ASTN1: variants seen among roughly 807,000 people sequenced by gnomAD.
ASTN1 encodes the protein astrotactin-1.
ASTN1 carries 41 observed loss-of-function variants against 140.7 expected under a neutral mutation model. The ratio of observed to expected loss-of-function variants is 0.29; its 90% CI spans 0.23 to 0.38. The LOEUF (loss-of-function observed/expected upper bound fraction) is 0.38, where lower values mean the gene tolerates loss of function less well. Among genes scored for constraint, ASTN1 ranks in the 10% least tolerant of loss-of-function variants. ASTN1 has a pLI of 1.00. For synonymous variants in ASTN1, 640 were observed against 652.2 expected, an observed-to-expected ratio of 0.98 and a Z score of 0.29; for missense variants, 1,479 against 1,678.8, an observed-to-expected ratio of 0.88 and a Z score of 2.08.
At chr1:177,058,563 T>C (rs971039620) in intron 2 of ASTN1, among the ~76,000 whole-genome samples, 2 of 152,222 alleles carry the variant, frequency 1.3e-5, no homozygotes, top group Non-Finnish European at 2.9e-5. Context: ...TGTCCACTAA[T>C]TCTTGCTCAG....
intron 5 of ASTN1, among the ~76,000 whole-genome samples, chr1:177,029,056 G>A (rs1676281344): frequency 6.6e-6 from 1 of 152,198 alleles, no homozygotes; most frequent in Admixed American, 6.5e-5. Context: ...GGACAGCTCT[G>A]TCCACGTGGA....
At position 176,876,519 on chromosome 1, in the gene ASTN1, A is replaced by T. The variant is rs1668569223; in HGVS notation, c.3463+18T>A. On this transcript the variant is annotated intron_variant, in intron 21 of 22. Coordinates refer to ENST00000361833, the MANE Select transcript of ASTN1 (RefSeq NM_004319.3). ...GGGGCATCCCTTCAGAAACACTGCT[A>T]ACTTCGATGTCTCTTACCTTGAGCC... is the stretch of plus-strand genomic sequence containing the variant. 6.2e-7 allele frequency: 1 copy of T among 1,613,322 alleles called. No homozygotes were observed. Among genetic ancestry groups the T allele is most frequent in the African/African-American group, 1.3e-5 (1 of 74,894 alleles).
rs941094402 is a variant in ASTN1 at position 176,919,110 on chromosome 1, T to C, written c.2671+15042A>G. 3.9e-5 allele frequency among the ~76,000 whole-genome samples: 6 copies of C among 152,328 alleles called. No individual in the cohort carries two copies. The South Asian group carries it at 8.3e-4, about 21-fold the overall frequency. On this transcript the variant is annotated intron_variant, in intron 16 of 22. Transcript: ENST00000361833. ...CCCATCCAACACTCATAATATTTTG[T>C]GGATTCTTTATTTTCTTTTTAATAT...
intron 1 of ASTN1, among the ~76,000 whole-genome samples, chr1:177,075,645 C>CTTTTTTTTTTTTTTTTTTT (rs5778927): frequency 9.0e-5 from 9 of 99,534 alleles, no homozygotes; most frequent in Admixed American, 2.4e-4. Flanking sequence ...CTTTTCTTTT[C>CTTTTTTTTTTTTTTTTTTT]TTTTTTTTTT....
At chr1:177,037,282 T>C (rs1676764614) in intron 2 of ASTN1, among the ~76,000 whole-genome samples, 1 of 152,286 alleles carries the variant, frequency 6.6e-6, no homozygotes, top group Non-Finnish European at 1.5e-5. Context: ...GCTGGAAGCA[T>C]CCTGATAGCC....
intron 5 of ASTN1, among the ~76,000 whole-genome samples, chr1:177,027,351 T>C (rs1003748803): frequency 6.6e-6 from 1 of 152,036 alleles, no homozygotes; most frequent in Non-Finnish European, 1.5e-5. Context: ...ACTGCTCTCA[T>C]GTGATTTCAA....
chr1:176,916,802 T>C (rs1670504394), intron 16 of ASTN1, among the ~76,000 whole-genome samples: 1 of 152,130 alleles, frequency 6.6e-6, no homozygotes, highest in Non-Finnish European at 1.5e-5. Flanking sequence ...TCAGAAGATG[T>C]CTTTTCCTGC....
At chr1:176,978,834 T>C (rs1033502214) in intron 8 of ASTN1, among the ~76,000 whole-genome samples, 1 of 152,190 alleles carries the variant, frequency 6.6e-6, no homozygotes, top group Non-Finnish European at 1.5e-5. Flanking sequence ...GTCCAGTGAC[T>C]GATCACTTAA....
At chr1:177,109,801 T>G (rs1418862515) in intron 1 of ASTN1, among the ~76,000 whole-genome samples, 1 of 152,194 alleles carries the variant, frequency 6.6e-6, no homozygotes, top group Non-Finnish European at 1.5e-5. Flanking sequence ...CATGGGTCCT[T>G]CCTTTCATAA....
chr1:176,872,114 T>C (rs2056978), intron 21 of ASTN1, among the ~76,000 whole-genome samples: 8,188 of 152,234 alleles, frequency 0.054, 285 homozygotes, highest in African/African-American at 0.096. Flanking sequence ...GGTGTTAGTT[T>C]CCATGTCTGT....
chr1:176,964,852 C>T (rs1672809003), intron 9 of ASTN1, among the ~76,000 whole-genome samples: 1 of 152,146 alleles, frequency 6.6e-6, no homozygotes, highest in Non-Finnish European at 1.5e-5. Context: ...CTCACAATAA[C>T]CCAGCCAGGC....
chr1:176,884,259 G>T, intron 19 of ASTN1, 80 bp downstream of exon 19: 1 of 1,515,366 alleles, frequency 6.6e-7, no homozygotes, highest in Non-Finnish European at 9.0e-7. Flanking sequence ...CTGGAGCAAA[G>T]CCATGAGGCA....
chr1:176,867,713 GA>G (rs910476431), intron 22 of ASTN1, among the ~76,000 whole-genome samples: 1 of 152,090 alleles, frequency 6.6e-6, no homozygotes, highest in African/African-American at 2.4e-5. Flanking sequence ...TCAAAAGTAA[GA>G]AAATAGAATG....
rs771146109 is a variant in ASTN1 at position 176,884,409 on chromosome 1, C to T, written c.3156G>A (p.Val1052=). The change falls in exon 19 of 23, where the codon GTG becomes GTA. Residue 1052 remains valine (V), a synonymous_variant. Transcript: ENST00000361833. ...GACGGAGGAGGTAATCTACAATCTG[C>T]ACCCCGATTGGTGGCTCTGAGTGTT... The part of the protein sequence containing the change: ...EWEHSEPPIG[V]QIVDYLLRQE... 1.2e-6 allele frequency: 2 copies of T among 1,614,202 alleles called. No homozygotes were observed. Among genetic ancestry groups the T allele is most frequent in the Admixed American group, 1.7e-5 (1 of 60,032 alleles).
At chr1:177,137,366 A>G (rs1363894818) in intron 1 of ASTN1, among the ~76,000 whole-genome samples, 1 of 152,244 alleles carries the variant, frequency 6.6e-6, no homozygotes, top group Non-Finnish European at 1.5e-5. Flanking sequence ...TTTCTCAGCC[A>G]TAGACATTAT....
intron 9 of ASTN1, among the ~76,000 whole-genome samples, 172 bp from the exon 10 acceptor site, chr1:176,958,654 C>G (rs1428188184): frequency 1.3e-5 from 2 of 152,214 alleles, no homozygotes; most frequent in African/African-American, 4.8e-5. Context: ...AGAGGCCAAC[C>G]CTTGCTCACA....
At chr1:177,137,868 G>A (rs1682271115) in intron 1 of ASTN1, among the ~76,000 whole-genome samples, 2 of 152,198 alleles carry the variant, frequency 1.3e-5, no homozygotes, top group Non-Finnish European at 2.9e-5. Flanking sequence ...AGCATCCAGT[G>A]TATTGGAAAA....
intron 2 of ASTN1, among the ~76,000 whole-genome samples, chr1:177,060,267 A>G (rs1226176125): frequency 3.3e-5 from 5 of 152,192 alleles, no homozygotes; most frequent in African/African-American, 1.2e-4. Context: ...AGGAATGTTA[A>G]TAGTAAAGGA....
chr1:176,924,640 G>A (rs970692073), intron 16 of ASTN1, among the ~76,000 whole-genome samples: 4 of 152,108 alleles, frequency 2.6e-5, no homozygotes, highest in Non-Finnish European at 5.9e-5. Context: ...GATATAGAAG[G>A]TGTTAAATAA....
Sources: allele counts gnomAD v4.1 joint callset (sites outside exome capture counted in the v4.1 genomes callset), GRCh38; gene constraint gnomAD v4.1.1; transcripts MANE v1.5; gene names NCBI Gene and HGNC (gene_info 2026-07-23, HGNC 2026-07-21).